The following RHBDF2 variants were observed in gnomAD, a reference collection of about 807,000 sequenced individuals.
RHBDF2 encodes the protein rhomboid 5 homolog 2, also known as inactive rhomboid protein 2.
Under a neutral mutation model 95.2 loss-of-function variants are expected in RHBDF2, and 38 were observed. The observed-to-expected ratio is 0.40, with a 90% CI of 0.31 to 0.52. The LOEUF (loss-of-function observed/expected upper bound fraction) is 0.52, where lower values mean the gene tolerates loss of function less well. RHBDF2 is among the 20% of genes least tolerant of loss of function. The pLI is 0.56. For synonymous variants in RHBDF2, 442 were observed against 462.0 expected, an observed-to-expected ratio of 0.96 and a Z score of 0.55; for missense variants, 863 against 1,137.7, an observed-to-expected ratio of 0.76 and a Z score of 3.47.
chr17:76,476,679 C>A, intron 9 of RHBDF2, 151 bp downstream of exon 9: 1 of 1,192,046 alleles, frequency 8.4e-7, no homozygotes, highest in South Asian at 1.6e-5. Context: ...ACCCTTGGGA[C>A]AGGGTGCGCC....
chr17:76,477,958 A>G (rs2073828038), intron 6 of RHBDF2, among the ~76,000 whole-genome samples, 173 bp from the exon 7 acceptor site: 1 of 152,240 alleles, frequency 6.6e-6, no homozygotes, highest in Admixed American at 6.5e-5. Flanking sequence ...GGAGCTCCTG[A>G]GACTGGAAGG....
At chr17:76,491,785 G>A (rs888795524) in intron 1 of RHBDF2, among the ~76,000 whole-genome samples, 4 of 152,192 alleles carry the variant, frequency 2.6e-5, no homozygotes, top group African/African-American at 9.7e-5. Flanking sequence ...GGGGCTCAGC[G>A]GGGAAAGGAG....
At chr17:76,472,486 G>C in intron 18 of RHBDF2, 200 bp downstream of exon 18, 1 of 695,004 alleles carries the variant, frequency 1.4e-6, no homozygotes, top group East Asian at 2.7e-5. Flanking sequence ...TGGAGGGACA[G>C]GGTGACTCAA....
At chr17:76,481,647 T>A in intron 2 of RHBDF2, 102 bp from the exon 3 acceptor site, 2 of 1,126,316 alleles carry the variant, frequency 1.8e-6, no homozygotes, top group Non-Finnish European at 2.5e-6. Context: ...CCAACTTGCC[T>A]AAAGTTGGTT....
In RHBDF2 at chr17:76,471,551, A is replaced by G; in HGVS notation, c.*82T>C. On this transcript the variant is annotated 3_prime_UTR_variant, in exon 19 of 19. Transcript: ENST00000675367. The stretch of plus-strand genomic sequence containing the variant: ...TCTTGGGTCTCTGGCTCTCTGGCAC[A>G]CAGAGAGCGCTCTGCAGAGGGCAGC... 4.3e-6 allele frequency: 6 copies of G among 1,405,506 alleles called. No individual in the cohort carries two copies. Among genetic ancestry groups the G allele is most frequent in the Non-Finnish European group, 5.7e-6 (6 of 1,055,486 alleles). The allele number at this position is 1,405,506 out of a possible 1,614,324, so 87.1% of individuals were successfully genotyped here.
chr17:76,472,394 G>GTGT, intron 18 of RHBDF2: 2 of 577,286 alleles, frequency 3.5e-6, no homozygotes, highest in South Asian at 2.0e-5. Context: ...ACGGCGCACG[G>GTGT]AGGCCATTTC....
At chr17:76,491,921 G>A (rs925458253) in intron 1 of RHBDF2, among the ~76,000 whole-genome samples, 1 of 152,208 alleles carries the variant, frequency 6.6e-6, no homozygotes. Context: ...CCCTAGAGAT[G>A]CTTGCTCACT....
chr17:76,488,738 G>C lies in RHBDF2; in HGVS notation c.-219-829C>G, dbSNP rs546684009. ...CTGAGGAGGGTGGATCACGAGGTCAGGAGTTCGAGACCAGTCTGGCCAACA... is the reference window on the plus strand; with the variant it reads ...CTGAGGAGGGTGGATCACGAGGTCACGAGTTCGAGACCAGTCTGGCCAACA... On this transcript the variant is annotated intron_variant, in intron 1 of 18. Transcript: ENST00000675367. Among the ~76,000 whole-genome samples the C allele has an allele frequency of 3.3e-5, 5 of 152,132 alleles. No individual in the cohort carries two copies. The South Asian group carries it at 1.0e-3, about 32-fold the overall frequency.
At chr17:76,491,086 T>C (rs78230133) in intron 1 of RHBDF2, among the ~76,000 whole-genome samples, 3,196 of 152,086 alleles carry the variant, frequency 0.021, 97 homozygotes, top group South Asian at 0.13. Context: ...GAAGCAGCCC[T>C]CTTTGGAGGG....
At chr17:76,479,391 G>A (rs1376348272) in intron 4 of RHBDF2, 114 bp from the exon 5 acceptor site, 4 of 1,453,018 alleles carry the variant, frequency 2.8e-6, no homozygotes, top group African/African-American at 2.8e-5. Context: ...GAGGTGGGGG[G>A]CGGATCTGCC....
rs189321211 is a variant in RHBDF2, at chr17:76,482,680, C to G, written c.-21-1135G>C. Among the ~76,000 whole-genome samples, 409 of 150,552 alleles carry G rather than the reference C, an allele frequency of 2.7e-3. 5 individuals are homozygous for G. The highest frequency in any genetic ancestry group is 9.7e-3 in the African/African-American group (396 of 40,948). Reference sequence around the variant, plus strand: ...CCCAGCTACTTGGGAGGCTGAGGCACGAGAATTGCTTGAACCCAGGAGGCA... The same window carrying G: ...CCCAGCTACTTGGGAGGCTGAGGCAGGAGAATTGCTTGAACCCAGGAGGCA... On this transcript the variant is annotated intron_variant, in intron 2 of 18. Transcript: ENST00000675367.
chr17:76,489,146 A>G (rs933787137), intron 1 of RHBDF2, among the ~76,000 whole-genome samples: 17 of 152,092 alleles, frequency 1.1e-4, no homozygotes, highest in Admixed American at 3.3e-4. Flanking sequence ...AAAACAAAAC[A>G]AAAGAACCCC....
At position 76,477,738 on chromosome 17, in the gene RHBDF2, C is replaced by A; in HGVS notation, c.720G>T (p.Lys240Asn). The A allele has an allele frequency of 6.2e-7, 1 of 1,613,754 alleles. No homozygotes were observed. The highest frequency in any genetic ancestry group is 8.5e-7 in the Non-Finnish European group (1 of 1,180,020). Residue 240 changes from lysine (K) to asparagine (N), a missense_variant, in exon 7 of 19, where the codon AAG (lysine) becomes AAT (asparagine). Coordinates refer to ENST00000675367, the MANE Select transcript of RHBDF2 (RefSeq NM_001005498.4). ...DATGQRCRVV[K>N]RSFAFPSFLE... ...GGAAGCTCGGGAAGGCAAAGCTGCGCTTGACCACCCGGCACCGCTGTCCGG... is the reference window on the plus strand; with the variant it reads ...GGAAGCTCGGGAAGGCAAAGCTGCGATTGACCACCCGGCACCGCTGTCCGG...
chr17:76,473,212 G>T (rs751106165), intron 16 of RHBDF2, 40 bp downstream of exon 16: 1 of 1,599,648 alleles, frequency 6.3e-7, no homozygotes, highest in East Asian at 2.2e-5. Flanking sequence ...GCCATGCCCA[G>T]CGTCCTCTCC....
Position 76,473,746 on chromosome 17 carries a change from C to A in RHBDF2, c.1639-4G>T. On this transcript the variant is annotated splice_region_variant and splice_polypyrimidine_tract_variant and intron_variant, in intron 14 of 18. Coordinates refer to ENST00000675367, the MANE Select transcript of RHBDF2 (RefSeq NM_001005498.4). ...TCCTGGCCTGCTCTGTGCAGATCTG[C>A]CAGGAGGGGGCACCGGCAGGGAAGT... is the stretch of plus-strand genomic sequence containing the variant. 1 of 1,611,896 alleles carries A rather than the reference C, an allele frequency of 6.2e-7. No individual in the cohort carries two copies. Among genetic ancestry groups the A allele is most frequent in the South Asian group, 1.1e-5 (1 of 90,674 alleles).
chr17:76,498,846 TTG>T (rs1255798042), intron 1 of RHBDF2, among the ~76,000 whole-genome samples: 2 of 96,270 alleles, frequency 2.1e-5, no homozygotes, highest in Admixed American at 1.1e-4. Flanking sequence ...GTCTGTGTGT[TTG>T]TGTGTGTCTC....
At chr17:76,496,039 G>A (rs1010001042) in intron 1 of RHBDF2, among the ~76,000 whole-genome samples, 2 of 152,142 alleles carry the variant, frequency 1.3e-5, no homozygotes, top group African/African-American at 4.8e-5. Flanking sequence ...AGGAATAAGG[G>A]GCCAGAGATG....
intron 1 of RHBDF2, among the ~76,000 whole-genome samples, chr17:76,491,456 G>A (rs2074298095): frequency 6.6e-6 from 1 of 152,088 alleles, no homozygotes; most frequent in Non-Finnish European, 1.5e-5. Context: ...GAAGAGAGGT[G>A]GCCTGACACC....
At chr17:76,485,174 G>A (rs527295973) in intron 2 of RHBDF2, among the ~76,000 whole-genome samples, 2 of 152,248 alleles carry the variant, frequency 1.3e-5, no homozygotes, top group African/African-American at 2.4e-5. Flanking sequence ...TTGGGAGGCC[G>A]AGGCGGGCGG....
Sources: gnomAD v4.1 joint callset for allele counts (sites outside exome capture counted in the v4.1 genomes callset) on GRCh38, gnomAD v4.1.1 for gene constraint, MANE v1.5 for transcripts, NCBI Gene and HGNC (gene_info 2026-07-23, HGNC 2026-07-21) for gene names.